CABLES1: variants seen among roughly 807,000 people sequenced by gnomAD.
CABLES1 encodes Cdk5 and Abl enzyme substrate 1.
In CABLES1, 36 loss-of-function variants were observed where a neutral mutation model predicts 57.8. The ratio of observed to expected loss-of-function variants is 0.62; its 90% CI spans 0.48 to 0.82. The LOEUF (loss-of-function observed/expected upper bound fraction) is 0.82. Ranked by LOEUF, CABLES1 falls within the 40% of genes least tolerant of loss-of-function variation. The pLI, the probability that CABLES1 is intolerant of heterozygous loss-of-function variation, is 0.00. For synonymous variants in CABLES1, 374 were observed against 363.0 expected (o/e 1.03, Z -0.35); for missense variants, 767 against 836.6 (o/e 0.92, Z 1.03).
chr18:23,258,386 G>A lies in CABLES1; in HGVS notation c.*1019G>A, dbSNP rs534388255. The A allele has an allele frequency of 2.0e-5, 3 of 152,492 alleles. No individual in the cohort carries two copies. Among genetic ancestry groups the A allele is most frequent in the African/African-American group, 4.8e-5 (2 of 41,596 alleles). The allele number at this position is 152,492 out of a possible 1,614,324, so 9.4% of individuals were successfully genotyped here. A position where few individuals can be genotyped will look rare whatever the true frequency, so the allele number is the denominator to read the frequency against. On this transcript the variant is annotated 3_prime_UTR_variant, in exon 10 of 10. Transcript: ENST00000256925. ...ACGACGCATGATTGGTGTTTGAGGC[G>A]TTTGCCAGCTGGGACAAACTGCGTT...
intron 7 of CABLES1, among the ~76,000 whole-genome samples, chr18:23,238,849 T>A (rs907689725): frequency 3.9e-5 from 6 of 152,218 alleles, no homozygotes; most frequent in Non-Finnish European, 5.9e-5. Flanking sequence ...TGTCTCTGAA[T>A]TCCACATTCC....
At chr18:23,240,002 C>G (rs977165548) in intron 7 of CABLES1, among the ~76,000 whole-genome samples, 3 of 152,176 alleles carry the variant, frequency 2.0e-5, no homozygotes, top group African/African-American at 7.2e-5. Context: ...CCTGTAGTCC[C>G]AGCTACTGGA....
chr18:23,137,447 CG>C (rs1334999620), intron 1 of CABLES1, among the ~76,000 whole-genome samples: 1 of 152,122 alleles, frequency 6.6e-6, no homozygotes, highest in Non-Finnish European at 1.5e-5. Context: ...GGCGAGTAGG[CG>C]GGAACAGGTG....
At chr18:23,144,486 C>G (rs2046879070) in intron 1 of CABLES1, among the ~76,000 whole-genome samples, 1 of 152,234 alleles carries the variant, frequency 6.6e-6, no homozygotes, top group African/African-American at 2.4e-5. Context: ...CCTACCTGAG[C>G]CTGTCTCTCC....
chr18:23,159,181 T>C (rs2046985632), intron 1 of CABLES1, among the ~76,000 whole-genome samples: 1 of 152,240 alleles, frequency 6.6e-6, no homozygotes, highest in Non-Finnish European at 1.5e-5. Context: ...GCCAGGCTGC[T>C]CTCGAACTCC....
chr18:23,144,803 G>A (rs796159070), intron 1 of CABLES1, among the ~76,000 whole-genome samples: 9 of 152,270 alleles, frequency 5.9e-5, no homozygotes, highest in African/African-American at 1.7e-4. Flanking sequence ...TGCTGAAATC[G>A]GTTGTGGTGG....
chr18:23,256,444 C>T (rs533720664), intron 9 of CABLES1, among the ~76,000 whole-genome samples: 1 of 152,302 alleles, frequency 6.6e-6, no homozygotes, highest in Admixed American at 6.5e-5. Context: ...TCTGAACTTA[C>T]CACGTGGTTT....
intron 1 of CABLES1, among the ~76,000 whole-genome samples, chr18:23,173,892 G>T (rs1323390246): frequency 6.6e-6 from 1 of 152,218 alleles, no homozygotes; most frequent in Non-Finnish European, 1.5e-5. Flanking sequence ...GAACCCAGGA[G>T]TCAGAGGTTG....
At chr18:23,248,360 A>C (rs1308866642) in intron 7 of CABLES1, among the ~76,000 whole-genome samples, 2 of 152,048 alleles carry the variant, frequency 1.3e-5, no homozygotes, top group African/African-American at 4.8e-5. Context: ...TTCAGTTCTG[A>C]AGTGCAGCAT....
intron 1 of CABLES1, among the ~76,000 whole-genome samples, chr18:23,140,504 G>A (rs1450975980): frequency 6.0e-5 from 9 of 150,084 alleles, no homozygotes; most frequent in African/African-American, 9.8e-5. Context: ...TGGCGCCATC[G>A]CGGCTCACGG....
At chr18:23,154,164 C>T (rs1199138801) in intron 1 of CABLES1, among the ~76,000 whole-genome samples, 1 of 152,132 alleles carries the variant, frequency 6.6e-6, no homozygotes, top group South Asian at 2.1e-4. Flanking sequence ...TCAACTTGCA[C>T]ATGTTTGTAT....
At position 23,188,768 on chromosome 18, in the gene CABLES1, G is replaced by A. The variant is rs1277951323; in HGVS notation, c.846-70G>A. The A allele has an allele frequency of 2.7e-6, 3 of 1,116,072 alleles. No individual in the cohort carries two copies. In the Admixed American group the frequency reaches 5.1e-5, roughly 19 times the overall value. The allele number at this position is 1,116,072 out of a possible 1,614,324, so 69.1% of individuals were successfully genotyped here. Reference sequence around the variant, plus strand: ...ATGTTTTTGTTTTAGGGTAGTTTTAGATTTGCACAAATGTCTGATCAGTTC... The same window carrying A: ...ATGTTTTTGTTTTAGGGTAGTTTTAAATTTGCACAAATGTCTGATCAGTTC... On this transcript the variant is annotated intron_variant, in intron 1 of 9. Coordinates refer to ENST00000256925, the MANE Select transcript of CABLES1 (RefSeq NM_001100619.3).
In CABLES1 at chr18:23,136,618, G is replaced by C; in HGVS notation, c.845+11G>C. ...GCTGCAGAGGTCCCGGTGAGTATCC[G>C]GGATGCGACGCGCACCCAACCCTGC... is the stretch of plus-strand genomic sequence containing the variant. On this transcript the variant is annotated intron_variant, in intron 1 of 9. Coordinates refer to ENST00000256925, the MANE Select transcript of CABLES1 (RefSeq NM_001100619.3). 1 of 1,380,204 alleles carries C rather than the reference G, an allele frequency of 7.2e-7. No individual in the cohort carries two copies. Among genetic ancestry groups the C allele is most frequent in the Non-Finnish European group, 9.4e-7 (1 of 1,062,554 alleles). The allele number at this position is 1,380,204 out of a possible 1,614,324, so 85.5% of individuals were successfully genotyped here. A position where few individuals can be genotyped will look rare whatever the true frequency, so the allele number is the denominator to read the frequency against.
rs1288846453 is a variant in CABLES1 at position 23,257,316 on chromosome 18, G to C, written c.1851G>C (p.Leu617Phe). The C allele has an allele frequency of 1.2e-6, 2 of 1,613,920 alleles. No individual in the cohort carries two copies. The highest frequency in any genetic ancestry group is 8.5e-7 in the Non-Finnish European group (1 of 1,179,970). The change falls in exon 10 of 10, where the codon TTG (leucine) becomes TTC (phenylalanine). Residue 617 changes from leucine to phenylalanine, a missense_variant. Physicochemically the swap from Leu to Phe is conservative, Grantham distance 22. Around this residue, in one of 4 missense-constraint regions of CABLES1, gnomAD observed 25 missense variants for 23.1 expected, o/e 1.08. Transcript: ENST00000256925. ...VLVALEFALHLPEHEVMPHYR... is the reference protein window; with the variant it reads ...VLVALEFALHFPEHEVMPHYR... ...TGGCCTTGGAATTCGCCCTCCACTT[G>C]CCCGAGCACGAAGTCATGCCCCACT... is the stretch of plus-strand genomic sequence containing the variant.
At chr18:23,212,292 T>A (rs2047410594) in intron 3 of CABLES1, among the ~76,000 whole-genome samples, 1 of 152,262 alleles carries the variant, frequency 6.6e-6, no homozygotes. Context: ...CTGAGGGTTC[T>A]CCAAGTATGG....
At chr18:23,155,973 C>A in intron 1 of CABLES1, 1 of 1,614,128 alleles carries the variant, frequency 6.2e-7, no homozygotes. Flanking sequence ...AGAGGATCGC[C>A]TGGGTGACCC....
chr18:23,156,263 T>C (rs1297685904), intron 1 of CABLES1, among the ~76,000 whole-genome samples: 1 of 151,960 alleles, frequency 6.6e-6, no homozygotes, highest in African/African-American at 2.4e-5. Context: ...CCCTGGGAGG[T>C]GAGCCTGCCG....
chr18:23,185,401 A>G (rs999297391), intron 1 of CABLES1, among the ~76,000 whole-genome samples: 6 of 152,132 alleles, frequency 3.9e-5, no homozygotes, highest in Non-Finnish European at 8.8e-5. Context: ...TGGCCGTCCC[A>G]TGGATCCCCA....
intron 9 of CABLES1, 176 bp from the exon 10 acceptor site, chr18:23,257,051 C>T: frequency 3.0e-6 from 2 of 657,184 alleles, no homozygotes; most frequent in Non-Finnish European, 5.1e-6. Context: ...TCCTTCACAA[C>T]CAGGACCGAA....
Sources: gnomAD v4.1 joint callset for allele counts (sites outside exome capture counted in the v4.1 genomes callset) on GRCh38, gnomAD v4.1.1 for gene constraint, gnomAD v4.1.1 regional missense constraint, MANE v1.5 for transcripts, NCBI Gene and HGNC (gene_info 2026-07-23, HGNC 2026-07-21) for gene names.